Variants in STXBP4 observed in about 807,000 individuals in gnomAD.
STXBP4 encodes the protein syntaxin binding protein 4.
A neutral mutation model predicts 76.1 loss-of-function variants in STXBP4; 55 were observed. The ratio of observed to expected loss-of-function variants is 0.72; its 90% confidence interval spans 0.58 to 0.91. The LOEUF is 0.91. Among genes scored for constraint, STXBP4 ranks in the 40% least tolerant of loss-of-function variants. The probability of loss-of-function intolerance (pLI) is 0.00; values close to 1 mark genes in which losing one functional copy is unlikely to be tolerated. For missense variants in STXBP4, 618 were observed against 636.9 expected, an observed-to-expected ratio of 0.97 and a Z score of 0.32; for synonymous variants, 201 against 220.2, an observed-to-expected ratio of 0.91 and a Z score of 0.77.
chr17:55,020,064 T>C (rs1335521796), intron 8 of STXBP4, among the ~76,000 whole-genome samples: 2 of 152,338 alleles, frequency 1.3e-5, no homozygotes, highest in East Asian at 3.9e-4. Flanking sequence ...TTTTTTAGGT[T>C]CTACAAAATT....
At chr17:55,055,341 C>A (rs1338402199) in intron 12 of STXBP4, among the ~76,000 whole-genome samples, 3 of 152,106 alleles carry the variant, frequency 2.0e-5, no homozygotes, top group Non-Finnish European at 4.4e-5. Context: ...CACGTATAAT[C>A]TGACCCCACT....
intron 16 of STXBP4, among the ~76,000 whole-genome samples, chr17:55,111,755 A>T (rs545264224): frequency 1.8e-4 from 28 of 152,296 alleles, no homozygotes; most frequent in Non-Finnish European, 4.0e-4. Context: ...TGAGCCAATT[A>T]AACTTTTTTC....
chr17:55,159,173 G>C (rs953430705), intron 17 of STXBP4, among the ~76,000 whole-genome samples: 1 of 152,142 alleles, frequency 6.6e-6, no homozygotes, highest in African/African-American at 2.4e-5. Context: ...TGAACCCCAG[G>C]GGACAGAGGT....
At chr17:55,103,498 T>C (rs1264160492) in intron 16 of STXBP4, among the ~76,000 whole-genome samples, 1 of 152,156 alleles carries the variant, frequency 6.6e-6, no homozygotes, top group Non-Finnish European at 1.5e-5. Flanking sequence ...TATATCTCTT[T>C]TGGTACCAGT....
chr17:54,973,155 A>T (rs2077423851), intron 1 of STXBP4, among the ~76,000 whole-genome samples: 1 of 152,200 alleles, frequency 6.6e-6, no homozygotes, highest in South Asian at 2.1e-4. Context: ...CAGCGCATGG[A>T]TAGGGGAAGC....
intron 1 of STXBP4, among the ~76,000 whole-genome samples, chr17:54,974,918 G>A (rs536517513): frequency 6.6e-6 from 1 of 152,284 alleles, no homozygotes; most frequent in Admixed American, 6.5e-5. Flanking sequence ...GATGAGTGTG[G>A]TAATTTCCAG....
At chr17:55,040,999 G>T (rs896876311) in intron 10 of STXBP4, among the ~76,000 whole-genome samples, 1 of 152,116 alleles carries the variant, frequency 6.6e-6, no homozygotes, top group African/African-American at 2.4e-5. Flanking sequence ...CAATTCTCTG[G>T]CTGCAAGTTT....
rs187658634 is a variant in STXBP4 at position 54,975,951 on chromosome 17, C to G, written c.-157+7136C>G. ...CTAAATTAGCCCTTCTCTCCTTAGT[C>G]ACATTTGCTATCACCTTTCAATATC... On this transcript the variant is annotated intron_variant, in intron 1 of 17. Transcript: ENST00000376352. 2.3e-3 allele frequency among the ~76,000 whole-genome samples: 357 copies of G among 152,314 alleles called. 9 individuals carry two copies. The highest frequency in any genetic ancestry group is 1.5e-3 in the East Asian group (8 of 5,182).
chr17:55,018,946 T>G (rs1219530677), intron 8 of STXBP4, among the ~76,000 whole-genome samples: 1 of 152,244 alleles, frequency 6.6e-6, no homozygotes, highest in Non-Finnish European at 1.5e-5. Flanking sequence ...TAGCTTAGGC[T>G]CAGAGCCCTG....
intron 8 of STXBP4, among the ~76,000 whole-genome samples, chr17:55,021,695 T>TA (rs545841747): frequency 1.5e-3 from 229 of 152,292 alleles, no homozygotes; most frequent in African/African-American, 5.1e-3. Flanking sequence ...TAGTAGTTTT[T>TA]AAAAACTTTA....
At position 55,162,291 on chromosome 17, in the gene STXBP4, G is replaced by C. The variant is rs982098679; in HGVS notation, c.*2380G>C. The stretch of plus-strand genomic sequence containing the variant: ...AAATACGACCCTCATATTATGTTTT[G>C]GCGAGTAGCCAGTCTTTCTTTAACA... On this transcript the variant is annotated 3_prime_UTR_variant, in exon 18 of 18. Transcript: ENST00000376352. The C allele has an allele frequency of 5.3e-5, 8 of 152,192 alleles. No individual in the cohort carries two copies. Among genetic ancestry groups the C allele is most frequent in the Admixed American group, 3.9e-4 (6 of 15,280 alleles). 9.4% of individuals were successfully genotyped at this position (152,192 alleles called of 1,614,324 possible). A position where few individuals can be genotyped will look rare whatever the true frequency, so the allele number is the denominator to read the frequency against.
Position 55,171,882 on chromosome 17 carries a change from T to C in STXBP4, c.*11971T>C, listed in dbSNP as rs1029324847. On this transcript the variant is annotated 3_prime_UTR_variant, in exon 18 of 18. Coordinates refer to ENST00000376352, the MANE Select transcript of STXBP4 (RefSeq NM_178509.6). ...AATACATTTCTGTTGCTTAAGCCAC[T>C]CAGTTAGTGTGCTTTATTTTGGCAG... is the stretch of plus-strand genomic sequence containing the variant. The C allele has an allele frequency of 2.6e-5, 4 of 152,216 alleles. No homozygotes were observed. The highest frequency in any genetic ancestry group is 4.8e-5 in the African/African-American group (2 of 41,444). The allele number at this position is 152,216 out of a possible 1,614,324, so 9.4% of individuals were successfully genotyped here. A position where few individuals can be genotyped will look rare whatever the true frequency, so the allele number is the denominator to read the frequency against.
intron 8 of STXBP4, among the ~76,000 whole-genome samples, chr17:55,018,807 G>A (rs1268828562): frequency 1.3e-5 from 2 of 152,184 alleles, no homozygotes; most frequent in Non-Finnish European, 2.9e-5. Flanking sequence ...ACATTGATCA[G>A]TTAGGGTGGG....
chr17:55,038,443 G>T (rs541008521), intron 10 of STXBP4, among the ~76,000 whole-genome samples: 5 of 152,068 alleles, frequency 3.3e-5, no homozygotes, highest in Middle Eastern at 3.4e-3. Context: ...TCATTATTTT[G>T]TCTGACTCAT....
chr17:55,098,497 C>G (rs2079522802), intron 16 of STXBP4, among the ~76,000 whole-genome samples: 1 of 152,094 alleles, frequency 6.6e-6, no homozygotes, highest in Non-Finnish European at 1.5e-5. Flanking sequence ...AACCCATAAA[C>G]TAGATATTCA....
chr17:55,102,716 T>C (rs1315597842), intron 16 of STXBP4, among the ~76,000 whole-genome samples: 1 of 152,222 alleles, frequency 6.6e-6, no homozygotes, highest in Non-Finnish European at 1.5e-5. Context: ...TCTTCCACAA[T>C]AGTTGACCCA....
At chr17:55,157,485 A>G (rs915397740) in intron 17 of STXBP4, among the ~76,000 whole-genome samples, 2 of 152,236 alleles carry the variant, frequency 1.3e-5, no homozygotes, top group Non-Finnish European at 2.9e-5. Flanking sequence ...AAGAAATTCC[A>G]TTAAACCATT....
chr17:55,100,698 G>A (rs1336461713), intron 16 of STXBP4, among the ~76,000 whole-genome samples: 2 of 152,142 alleles, frequency 1.3e-5, no homozygotes, highest in East Asian at 3.9e-4. Context: ...TCTTTGGGTG[G>A]TTTCCATGAT....
intron 1 of STXBP4, among the ~76,000 whole-genome samples, chr17:54,982,426 T>A (rs955883847): frequency 1.2e-4 from 18 of 152,188 alleles, no homozygotes; most frequent in African/African-American, 4.3e-4. Context: ...ACAACAAGAT[T>A]TTTTTTCTCC....
Sources: allele counts gnomAD v4.1 joint callset (sites outside exome capture counted in the v4.1 genomes callset), GRCh38; gene constraint gnomAD v4.1.1; transcripts MANE v1.5; gene names NCBI Gene and HGNC (gene_info 2026-07-23, HGNC 2026-07-21).